The following ETFA variants were observed in gnomAD, a reference collection of about 807,000 sequenced individuals.
ETFA encodes the protein electron transfer flavoprotein subunit alpha, mitochondrial.
In ETFA, 22 loss-of-function variants were observed where a neutral mutation model predicts 46.2. The observed-to-expected ratio is 0.48, with a 90% CI of 0.34 to 0.68. ETFA has a LOEUF of 0.68. ETFA is among the 30% of genes least tolerant of loss of function. The pLI, the probability that ETFA is intolerant of heterozygous loss-of-function variation, is 0.01. For synonymous variants in ETFA, 131 were observed against 139.9 expected (o/e 0.94, Z 0.45); for missense variants, 345 against 401.1 (o/e 0.86, Z 1.19).
In ETFA at chr15:76,298,573, G is replaced by A. The variant is rs549782955; in HGVS notation, c.40-2836C>T. On this transcript the variant is annotated intron_variant, in intron 1 of 11. Transcript: ENST00000557943. Reference sequence around the variant, plus strand: ...TACAAAGTCTATGATGGAGGTACTAGTATTACTCTGACTTCACAGATGAGG... The same window carrying A: ...TACAAAGTCTATGATGGAGGTACTAATATTACTCTGACTTCACAGATGAGG... Among the ~76,000 whole-genome samples the A allele has an allele frequency of 2.6e-5, 4 of 152,266 alleles. No individual in the cohort carries two copies. The East Asian group carries it at 7.7e-4, about 29-fold the overall frequency.
intron 9 of ETFA, among the ~76,000 whole-genome samples, chr15:76,268,484 C>T (rs566727118): frequency 6.6e-6 from 1 of 152,312 alleles, no homozygotes; most frequent in African/African-American, 2.4e-5. Context: ...ACACAGGAAG[C>T]TGAGAAACTG....
chr15:76,300,709 C>T (rs1344996565), intron 1 of ETFA, among the ~76,000 whole-genome samples: 1 of 152,182 alleles, frequency 6.6e-6, no homozygotes, highest in African/African-American at 2.4e-5. Context: ...GTAAACTAGA[C>T]TCCTTAGGTT....
chr15:76,291,168 A>G lies in ETFA; in HGVS notation c.351+1263T>C, dbSNP rs1168304738. On this transcript the variant is annotated intron_variant, in intron 4 of 11. Transcript: ENST00000557943. ...AAGTTGGAGGGTATGTTGAGCTACAATCGTGCCACTGCACTCCAGTCTGGG... is the reference window on the plus strand; with the variant it reads ...AAGTTGGAGGGTATGTTGAGCTACAGTCGTGCCACTGCACTCCAGTCTGGG... 2.6e-5 allele frequency among the ~76,000 whole-genome samples: 4 copies of G among 152,170 alleles called. 1 individual carries two copies. The highest frequency in any genetic ancestry group is 2.6e-4 in the Admixed American group (4 of 15,266).
chr15:76,233,156 T>C (rs1313839725), intron 9 of ETFA, among the ~76,000 whole-genome samples: 2 of 152,122 alleles, frequency 1.3e-5, no homozygotes, highest in Non-Finnish European at 2.9e-5. Context: ...AGCAATTGCA[T>C]GCTCTGTGAT....
intron 11 of ETFA, chr15:76,217,728 C>T: frequency 2.4e-6 from 1 of 419,138 alleles, no homozygotes; most frequent in East Asian, 7.5e-5. Context: ...GCCACTTGTG[C>T]AAAGTATCAA....
chr15:76,231,428 T>A (rs578168823), intron 9 of ETFA, 30 bp from the exon 10 acceptor site: 1 of 1,331,466 alleles, frequency 7.5e-7, no homozygotes, highest in Non-Finnish European at 1.1e-6. Context: ...ATTATTAATA[T>A]GTATTTATAT....
chr15:76,236,883 G>C (rs1435726129), intron 9 of ETFA, among the ~76,000 whole-genome samples: 1 of 152,002 alleles, frequency 6.6e-6, no homozygotes, highest in East Asian at 1.9e-4. Context: ...AACTCTAGAT[G>C]GACCTGAAAA....
chr15:76,218,051 C>T (rs541810844), intron 11 of ETFA, among the ~76,000 whole-genome samples: 1 of 152,336 alleles, frequency 6.6e-6, no homozygotes, highest in African/African-American at 2.4e-5. Context: ...ATGCCAGTCA[C>T]ACAGATGACA....
chr15:76,222,991 G>C (rs538308068), intron 11 of ETFA, among the ~76,000 whole-genome samples: 1 of 151,594 alleles, frequency 6.6e-6, no homozygotes, highest in Non-Finnish European at 1.5e-5. Flanking sequence ...CACGTCACCA[G>C]ACCCAGCTAA....
intron 9 of ETFA, among the ~76,000 whole-genome samples, chr15:76,257,691 T>A (rs932204940): frequency 2.0e-5 from 3 of 151,916 alleles, no homozygotes; most frequent in Non-Finnish European, 2.9e-5. Context: ...GGACTATAAA[T>A]CATGCTGCTA....
chr15:76,300,711 C>T (rs2039871520), intron 1 of ETFA, among the ~76,000 whole-genome samples: 1 of 152,210 alleles, frequency 6.6e-6, no homozygotes, highest in Non-Finnish European at 1.5e-5. Flanking sequence ...AAACTAGACT[C>T]CTTAGGTTGG....
At chr15:76,297,115 G>C (rs2039832790) in intron 1 of ETFA, among the ~76,000 whole-genome samples, 1 of 152,206 alleles carries the variant, frequency 6.6e-6, no homozygotes, top group Non-Finnish European at 1.5e-5. Context: ...AGTGAAGAAA[G>C]CATAGCATGG....
chr15:76,216,840 CT>C (rs373144812), intron 11 of ETFA, among the ~76,000 whole-genome samples: 277 of 89,270 alleles, frequency 3.1e-3, no homozygotes, highest in Middle Eastern at 0.015. Context: ...TGCCTTTTGC[CT>C]TTTTTTTTTT....
chr15:76,294,380 T>C (rs1596223808), intron 2 of ETFA, among the ~76,000 whole-genome samples: 1 of 152,210 alleles, frequency 6.6e-6, no homozygotes, highest in African/African-American at 2.4e-5. Flanking sequence ...ATTGTGGCTG[T>C]ATCAACTATG....
chr15:76,280,490 T>C (rs1008014259), intron 8 of ETFA, among the ~76,000 whole-genome samples: 1 of 152,098 alleles, frequency 6.6e-6, no homozygotes, highest in Non-Finnish European at 1.5e-5. Flanking sequence ...AAACTATGAG[T>C]ATCTCCCACC....
chr15:76,219,803 T>C (rs1016252271), intron 11 of ETFA, among the ~76,000 whole-genome samples: 4 of 152,182 alleles, frequency 2.6e-5, no homozygotes, highest in Admixed American at 6.5e-5. Flanking sequence ...CCTACTAGGA[T>C]GACTAGAATT....
intron 9 of ETFA, chr15:76,260,796 A>G: frequency 6.2e-7 from 1 of 1,607,050 alleles, no homozygotes; most frequent in East Asian, 2.2e-5. Context: ...AGAGGGCCCC[A>G]AAGCATTGGC....
At chr15:76,259,029 A>G in intron 9 of ETFA, 3 of 1,607,272 alleles carry the variant, frequency 1.9e-6, no homozygotes, top group Non-Finnish European at 2.6e-6. Flanking sequence ...CAGCAGCAAA[A>G]GCCTCTGTGT....
intron 9 of ETFA, among the ~76,000 whole-genome samples, chr15:76,270,656 G>A (rs938851968): frequency 6.6e-6 from 1 of 152,030 alleles, no homozygotes; most frequent in Non-Finnish European, 1.5e-5. Context: ...TCCAGAGATG[G>A]GACAGGAAAA....
Sources: gnomAD v4.1 joint callset for allele counts (sites outside exome capture counted in the v4.1 genomes callset) on GRCh38, gnomAD v4.1.1 for gene constraint, MANE v1.5 for transcripts, NCBI Gene and HGNC (gene_info 2026-07-23, HGNC 2026-07-21) for gene names.